TRPC4: variants seen among roughly 807,000 people sequenced by gnomAD.
TRPC4 encodes the protein transient receptor potential cation channel subfamily C member 4.
Under a neutral mutation model 99.4 loss-of-function variants are expected in TRPC4, and 49 were observed. That is an observed-to-expected ratio of 0.49 (90% CI 0.39 to 0.63). The LOEUF (loss-of-function observed/expected upper bound fraction) is 0.63. TRPC4 is among the 20% of genes least tolerant of loss of function. The probability of loss-of-function intolerance (pLI) is 0.00; values close to 1 mark genes in which losing one functional copy is unlikely to be tolerated. For missense variants in TRPC4, 898 were observed against 1,152.9 expected, an observed-to-expected ratio of 0.78 and a Z score of 3.20; for synonymous variants, 454 against 425.9, an observed-to-expected ratio of 1.07 and a Z score of -0.81.
intron 3 of TRPC4, among the ~76,000 whole-genome samples, chr13:37,716,107 C>CT (rs34592435): frequency 0.39 from 59,334 of 151,426 alleles, 12,005 homozygotes; most frequent in Middle Eastern, 0.51. Context: ...AACATGAAAA[C>CT]TTTTTTTTCT....
At chr13:37,753,575 A>AGAAAGAGAGAGAGAGAG (rs1566145348) in intron 2 of TRPC4, among the ~76,000 whole-genome samples, 29 of 137,356 alleles carry the variant, frequency 2.1e-4, no homozygotes, top group African/African-American at 6.7e-4. Context: ...GAGAGAGAGA[A>AGAAAGAGAGAGAGAGAG]AGAGAGAGAG....
intron 1 of TRPC4, among the ~76,000 whole-genome samples, chr13:37,850,325 A>G (rs1959022954): frequency 6.6e-6 from 1 of 152,246 alleles, no homozygotes; most frequent in African/African-American, 2.4e-5. Flanking sequence ...GCTATTAAAT[A>G]AGAAAGAGCT....
chr13:37,842,499 AC>A (rs1395315840), intron 1 of TRPC4, among the ~76,000 whole-genome samples: 1 of 152,090 alleles, frequency 6.6e-6, no homozygotes, highest in Non-Finnish European at 1.5e-5. Context: ...TGAAATAGGT[AC>A]TATAGACTGA....
At chr13:37,706,783 T>C (rs928969039) in intron 3 of TRPC4, among the ~76,000 whole-genome samples, 1 of 152,094 alleles carries the variant, frequency 6.6e-6, no homozygotes, top group Non-Finnish European at 1.5e-5. Flanking sequence ...TCTTGGAAAG[T>C]ACATCTTTAC....
intron 1 of TRPC4, among the ~76,000 whole-genome samples, chr13:37,827,660 C>A (rs1259735222): frequency 1.3e-5 from 2 of 152,150 alleles, no homozygotes; most frequent in African/African-American, 2.4e-5. Context: ...CTGGGAGAAC[C>A]ACTGCTCTCT....
chr13:37,691,379 C>T (rs1377316739), intron 4 of TRPC4, among the ~76,000 whole-genome samples: 1 of 152,208 alleles, frequency 6.6e-6, no homozygotes, highest in Admixed American at 6.5e-5. Context: ...GCTGGGATTA[C>T]AGGCATGAGC....
At chr13:37,733,112 A>C (rs552120285) in intron 3 of TRPC4, among the ~76,000 whole-genome samples, 84 of 152,330 alleles carry the variant, frequency 5.5e-4, no homozygotes, top group African/African-American at 2.0e-3. Flanking sequence ...GTCTTTACAA[A>C]AGATTCAAAA....
chr13:37,755,822 T>C (rs898683266), intron 2 of TRPC4, among the ~76,000 whole-genome samples: 3 of 152,188 alleles, frequency 2.0e-5, no homozygotes, highest in Admixed American at 6.5e-5. Context: ...AAATGCCTTT[T>C]TAAAGTTCTG....
intron 6 of TRPC4, among the ~76,000 whole-genome samples, chr13:37,659,323 C>G (rs569935910): frequency 6.6e-6 from 1 of 152,222 alleles, no homozygotes; most frequent in South Asian, 2.1e-4. Flanking sequence ...TTCCTCTTTC[C>G]CCCTGTGATG....
At chr13:37,641,219 G>A (rs2138542956) in intron 8 of TRPC4, among the ~76,000 whole-genome samples, 1 of 152,150 alleles carries the variant, frequency 6.6e-6, no homozygotes, top group African/African-American at 2.4e-5. Flanking sequence ...CATTTTAAAT[G>A]GTAATTCTAG....
At chr13:37,718,808 T>C (rs1390148617) in intron 3 of TRPC4, among the ~76,000 whole-genome samples, 1 of 152,068 alleles carries the variant, frequency 6.6e-6, no homozygotes, top group Non-Finnish European at 1.5e-5. Flanking sequence ...AAGGTGTATT[T>C]GAAGTCTCAG....
rs529975009 is a variant in TRPC4, at chr13:37,745,219, G to T, written c.897+718C>A. The stretch of plus-strand genomic sequence containing the variant: ...TACAGTTGTCCCCAAGCATCTGTGG[G>T]GGATTGGTTCCAGGACCTCATGTGG... On this transcript the variant is annotated intron_variant, in intron 3 of 10. Coordinates refer to ENST00000379705, the MANE Select transcript of TRPC4 (RefSeq NM_016179.4). 3.6e-4 allele frequency among the ~76,000 whole-genome samples: 55 copies of T among 151,628 alleles called. 1 individual carries two copies. The highest frequency in any genetic ancestry group is 1.3e-3 in the African/African-American group (52 of 41,374).
intron 1 of TRPC4, among the ~76,000 whole-genome samples, chr13:37,801,783 A>G (rs1957408981): frequency 6.8e-6 from 1 of 147,660 alleles, no homozygotes. Context: ...ATTTAGAAAG[A>G]TTTATAGACA....
chr13:37,677,365 T>C (rs1315086011), intron 4 of TRPC4, among the ~76,000 whole-genome samples: 1 of 151,992 alleles, frequency 6.6e-6, no homozygotes, highest in African/African-American at 2.4e-5. Context: ...ATGAAATGTA[T>C]GATCTAAACA....
At chr13:37,732,974 A>C (rs1472165160) in intron 3 of TRPC4, among the ~76,000 whole-genome samples, 5 of 152,188 alleles carry the variant, frequency 3.3e-5, no homozygotes, top group African/African-American at 1.2e-4. Context: ...TGAAAAACAA[A>C]ACAAAACAAA....
At chr13:37,648,141 C>T (rs1301619824) in intron 8 of TRPC4, among the ~76,000 whole-genome samples, 1 of 152,082 alleles carries the variant, frequency 6.6e-6, no homozygotes, top group Non-Finnish European at 1.5e-5. Context: ...CAGGGTTTCA[C>T]CGTGTTGGCC....
chr13:37,674,079 C>T (rs774314699), intron 5 of TRPC4, 149 bp downstream of exon 5: 20 of 646,426 alleles, frequency 3.1e-5, no homozygotes, highest in South Asian at 4.4e-5. Context: ...TATTTTTATC[C>T]CTATATATCT....
chr13:37,672,181 C>G (rs1952870253), intron 5 of TRPC4, among the ~76,000 whole-genome samples: 1 of 152,166 alleles, frequency 6.6e-6, no homozygotes, highest in South Asian at 2.1e-4. Flanking sequence ...ATCCATTAAT[C>G]TATGTAAGCA....
intron 3 of TRPC4, among the ~76,000 whole-genome samples, chr13:37,699,025 G>A (rs540113954): frequency 1.3e-5 from 2 of 152,254 alleles, no homozygotes; most frequent in South Asian, 2.1e-4. Context: ...TAGGGATTAA[G>A]AGCACATAAG....
Sources: gnomAD v4.1 joint callset for allele counts (sites outside exome capture counted in the v4.1 genomes callset) on GRCh38, gnomAD v4.1.1 for gene constraint, MANE v1.5 for transcripts, NCBI Gene and HGNC (gene_info 2026-07-23, HGNC 2026-07-21) for gene names.